Variants in FER1L6 observed in about 807,000 individuals in gnomAD.
FER1L6 encodes the protein fer-1 like family member 6.
FER1L6 carries 177 observed loss-of-function variants against 219.2 expected under a neutral mutation model. The ratio of observed to expected loss-of-function variants is 0.81; its 90% CI spans 0.71 to 0.91. FER1L6 has a LOEUF of 0.91. FER1L6 is among the 40% of genes least tolerant of loss of function. The pLI, the probability that FER1L6 is intolerant of heterozygous loss-of-function variation, is 0.00. For synonymous variants in FER1L6, 768 were observed against 824.3 expected (o/e 0.93, Z 1.17); for missense variants, 2,153 against 2,259.9 (o/e 0.95, Z 0.96).
In FER1L6 at chr8:124,064,535, C is replaced by A. The variant is rs1820741331; in HGVS notation, c.3517C>A (p.Pro1173Thr). 1 of 1,611,792 alleles carries A rather than the reference C, an allele frequency of 6.2e-7. No individual in the cohort carries two copies. The highest frequency in any genetic ancestry group is 1.7e-5 in the Admixed American group (1 of 59,152). ...SSPMLEPEHT[P>T]VAQEPPKDGK... Reference sequence around the variant, plus strand: ...CCCGATGCTGGAGCCTGAACACACACCTGTAGCCCAGGAGCCACCAAAAGA... The same window carrying A: ...CCCGATGCTGGAGCCTGAACACACAACTGTAGCCCAGGAGCCACCAAAAGA... Residue 1173 changes from proline (P) to threonine (T), a missense_variant, in exon 26 of 41, where the codon CCT (proline) becomes ACT (threonine). By Grantham distance (38) the Pro-to-Thr change is conservative (BLOSUM62 -1). Coordinates refer to ENST00000522917, the MANE Select transcript of FER1L6 (RefSeq NM_001039112.2).
At chr8:124,053,496 T>C (rs577404320) in intron 22 of FER1L6, among the ~76,000 whole-genome samples, 50 of 152,342 alleles carry the variant, frequency 3.3e-4, no homozygotes, top group Middle Eastern at 6.8e-3. Flanking sequence ...ATCTCATACA[T>C]ACTGAGAAGA....
chr8:124,057,694 A>G (rs1820366695), intron 22 of FER1L6, among the ~76,000 whole-genome samples: 1 of 151,628 alleles, frequency 6.6e-6, no homozygotes. Context: ...TCTTTTATGC[A>G]TTGTCTATCA....
chr8:123,890,584 C>T (rs964046231), intron 1 of FER1L6, among the ~76,000 whole-genome samples: 2 of 148,610 alleles, frequency 1.3e-5, no homozygotes, highest in African/African-American at 4.9e-5. Flanking sequence ...CTTTGTCAAG[C>T]CTGCAAAAAT....
At chr8:124,081,114 G>A (rs1311754053) in intron 32 of FER1L6, among the ~76,000 whole-genome samples, 1 of 152,112 alleles carries the variant, frequency 6.6e-6, no homozygotes, top group African/African-American at 2.4e-5. Flanking sequence ...CAGCCCTGTG[G>A]ACATGCAGGG....
intron 1 of FER1L6, among the ~76,000 whole-genome samples, chr8:123,883,567 A>C (rs1275535290): frequency 1.3e-5 from 2 of 152,186 alleles, no homozygotes; most frequent in Non-Finnish European, 2.9e-5. Context: ...ACGTCTGTTC[A>C]GAACCTTTTA....
At chr8:123,955,590 C>T (rs978582436) in intron 1 of FER1L6, among the ~76,000 whole-genome samples, 4 of 152,304 alleles carry the variant, frequency 2.6e-5, no homozygotes, top group South Asian at 2.1e-4. Flanking sequence ...AAACATTGCC[C>T]GGCCTCTCTG....
chr8:124,012,264 A>C (rs1283377665), intron 14 of FER1L6, among the ~76,000 whole-genome samples: 1 of 152,238 alleles, frequency 6.6e-6, no homozygotes, highest in Non-Finnish European at 1.5e-5. Context: ...ATTCCAGGCA[A>C]CATGGAGATA....
At chr8:123,894,339 T>A (rs1812708782) in intron 1 of FER1L6, among the ~76,000 whole-genome samples, 1 of 152,198 alleles carries the variant, frequency 6.6e-6, no homozygotes, top group African/African-American at 2.4e-5. Context: ...GAAGATGGAT[T>A]TGTGACTGAT....
intron 12 of FER1L6, among the ~76,000 whole-genome samples, chr8:123,995,438 T>C (rs1000696474): frequency 2.6e-5 from 4 of 152,204 alleles, no homozygotes; most frequent in African/African-American, 9.6e-5. Context: ...CCATTTCTTC[T>C]AGGTTTTCCA....
rs759710529 is a variant in FER1L6 at position 123,980,804 on chromosome 8, C to G, written c.1403C>G (p.Pro468Arg). ...GTGGAGGTGGAATCGTTCGATGTCC[C>G]CCCGGAGGTAGGTCTAGGCACTGCA... The part of the protein sequence containing the change: ...TEVEVESFDV[P>R]PEIVPEKNEE... Residue 468 changes from proline (P) to arginine (R), a missense_variant, in exon 11 of 41, where the codon CCC becomes CGC. By Grantham distance (103) the Pro-to-Arg change is moderately radical (BLOSUM62 -2). Coordinates refer to ENST00000522917, the MANE Select transcript of FER1L6 (RefSeq NM_001039112.2). 45 of 1,612,566 alleles carry G rather than the reference C, an allele frequency of 2.8e-5. No homozygotes were observed. The Admixed American group carries it at 6.5e-4, about 23-fold the overall frequency.
intron 35 of FER1L6, among the ~76,000 whole-genome samples, chr8:124,096,533 T>C (rs935515277): frequency 1.6e-4 from 25 of 152,168 alleles, no homozygotes; most frequent in African/African-American, 6.0e-4. Context: ...ACAACAGAGC[T>C]TAGCATGGAA....
In FER1L6 at chr8:124,000,360, T is replaced by C. The variant is rs138617781; in HGVS notation, c.1520-2807T>C. 2.6e-5 allele frequency among the ~76,000 whole-genome samples: 4 copies of C among 152,362 alleles called. No individual in the cohort carries two copies. The East Asian group carries it at 7.7e-4, about 29-fold the overall frequency. On this transcript the variant is annotated intron_variant, in intron 12 of 40. Coordinates refer to ENST00000522917, the MANE Select transcript of FER1L6 (RefSeq NM_001039112.2). ...CCAGGTACTGTGATCACTCACCTGA[T>C]TGCTGGTTCTTATGAAGGTGCTTAT...
chr8:124,104,983 T>C (rs909055713), intron 39 of FER1L6, among the ~76,000 whole-genome samples: 1 of 152,162 alleles, frequency 6.6e-6, no homozygotes, highest in East Asian at 1.9e-4. Flanking sequence ...TGCAGACATA[T>C]ACATGCAAAA....
chr8:123,934,802 G>T (rs1336255639), intron 1 of FER1L6, among the ~76,000 whole-genome samples: 1 of 152,074 alleles, frequency 6.6e-6, no homozygotes, highest in South Asian at 2.1e-4. Flanking sequence ...GGATCATGGG[G>T]GTGGATTTCC....
chr8:124,063,688 T>C (rs961265192), intron 25 of FER1L6, among the ~76,000 whole-genome samples: 4 of 152,174 alleles, frequency 2.6e-5, no homozygotes, highest in African/African-American at 4.8e-5. Context: ...GTTTGTTGGG[T>C]TGAATTTGCT....
chr8:123,905,400 G>T (rs920858318), intron 1 of FER1L6, among the ~76,000 whole-genome samples: 2 of 152,148 alleles, frequency 1.3e-5, no homozygotes, highest in Non-Finnish European at 2.9e-5. Context: ...TCCCTGCAAA[G>T]GACATGATCT....
At chr8:123,878,111 T>C (rs1817037382) in intron 1 of FER1L6, among the ~76,000 whole-genome samples, 1 of 152,008 alleles carries the variant, frequency 6.6e-6, no homozygotes, top group African/African-American at 2.4e-5. Context: ...GTCTTAGAAT[T>C]AAAAACAGCT....
At chr8:124,060,787 C>T (rs1820533020) in intron 24 of FER1L6, 78 bp downstream of exon 24, 2 of 1,430,084 alleles carry the variant, frequency 1.4e-6, no homozygotes, top group Admixed American at 4.2e-5. Context: ...TTCAGATGTC[C>T]ACTAGCTGCG....
chr8:124,023,352 T>G (rs562396911), intron 17 of FER1L6, 92 bp from the exon 18 acceptor site: 2 of 1,265,316 alleles, frequency 1.6e-6, no homozygotes, highest in East Asian at 4.8e-5. Flanking sequence ...GAGGGAATAT[T>G]TCAGGATAGC....
Sources: gnomAD v4.1 joint callset for allele counts (sites outside exome capture counted in the v4.1 genomes callset) on GRCh38, gnomAD v4.1.1 for gene constraint, MANE v1.5 for transcripts, NCBI Gene and HGNC (gene_info 2026-07-23, HGNC 2026-07-21) for gene names.